RGS22: variants seen among roughly 807,000 people sequenced by gnomAD.
The protein encoded by RGS22 is regulator of G-protein signaling 22.
In RGS22, 148 loss-of-function variants were observed where a neutral mutation model predicts 172.9. That is an observed-to-expected ratio of 0.86 (90% CI 0.75 to 0.98). The LOEUF is 0.98. Ranked by LOEUF, RGS22 falls within the 50% of genes least tolerant of loss-of-function variation. RGS22 has a pLI of 0.00. For synonymous variants in RGS22, 458 were observed against 480.2 expected, an observed-to-expected ratio of 0.95 and a Z score of 0.60; for missense variants, 1,347 against 1,440.8, an observed-to-expected ratio of 0.93 and a Z score of 1.05.
At chr8:100,045,275 A>G in intron 11 of RGS22, among the ~76,000 whole-genome samples, 1 of 152,100 alleles carries the variant, frequency 6.6e-6, no homozygotes, top group East Asian at 1.9e-4. Flanking sequence ...AAAAAAGAAA[A>G]AAAAAAGACT....
chr8:100,013,402 A>G (rs1050127646), intron 14 of RGS22, among the ~76,000 whole-genome samples: 1 of 152,092 alleles, frequency 6.6e-6, no homozygotes, highest in Non-Finnish European at 1.5e-5. Context: ...GTGGATGCCT[A>G]CATCTATTTC....
intron 14 of RGS22, among the ~76,000 whole-genome samples, chr8:100,036,179 G>A (rs1039110606): frequency 2.6e-5 from 4 of 151,440 alleles, no homozygotes; most frequent in Admixed American, 6.6e-5. Flanking sequence ...ACTGTAGAAC[G>A]ATCTACAGTA....
At chr8:99,970,818 C>CA (rs1811258810) in intron 23 of RGS22, among the ~76,000 whole-genome samples, 1 of 152,160 alleles carries the variant, frequency 6.6e-6, no homozygotes. Flanking sequence ...GAGGTGGTAC[C>CA]ATTCCTTCTG....
chr8:99,979,528 T>C (rs2131191764), intron 22 of RGS22, among the ~76,000 whole-genome samples: 1 of 152,300 alleles, frequency 6.6e-6, no homozygotes, highest in East Asian at 1.9e-4. Flanking sequence ...AAATAATGGC[T>C]TTAGTATGAG....
At chr8:100,049,980 C>T (rs539043978) in intron 10 of RGS22, among the ~76,000 whole-genome samples, 109 of 147,176 alleles carry the variant, frequency 7.4e-4, no homozygotes, top group African/African-American at 2.5e-3. Context: ...ACCTGGGAGG[C>T]GGAGGTTGTG....
At chr8:100,060,421 T>TATATATATACAC (rs1245783464) in intron 9 of RGS22, among the ~76,000 whole-genome samples, 22 of 119,512 alleles carry the variant, frequency 1.8e-4, no homozygotes, top group African/African-American at 6.1e-4. Flanking sequence ...TATATATATA[T>TATATATATACAC]ACACACACAC....
chr8:100,050,558 T>C (rs954876925), intron 10 of RGS22, among the ~76,000 whole-genome samples: 1 of 152,182 alleles, frequency 6.6e-6, no homozygotes. Flanking sequence ...AAGCAATCTT[T>C]CCAAGAGGTT....
At chr8:100,029,702 C>CAAAAA (rs369058108) in intron 14 of RGS22, among the ~76,000 whole-genome samples, 8 of 61,984 alleles carry the variant, frequency 1.3e-4, no homozygotes, top group Non-Finnish European at 2.4e-4. Context: ...AACTCCGTCT[C>CAAAAA]AAAAAAAAAA....
At chr8:99,988,811 T>C (rs1163464941) in intron 20 of RGS22, among the ~76,000 whole-genome samples, 1 of 152,114 alleles carries the variant, frequency 6.6e-6, no homozygotes, top group East Asian at 1.9e-4. Flanking sequence ...TGAATAGATG[T>C]CCATCACTAT....
rs770510292 is a variant in RGS22, at chr8:100,000,314, C to G, written c.2791-894G>C. 1.2e-3 allele frequency among the ~76,000 whole-genome samples: 188 copies of G among 152,004 alleles called. 1 individual carries two copies. Among genetic ancestry groups the G allele is most frequent in the Non-Finnish European group, 2.0e-3 (136 of 67,972 alleles). On this transcript the variant is annotated intron_variant, in intron 18 of 27. Coordinates refer to ENST00000360863, the MANE Select transcript of RGS22 (RefSeq NM_015668.5). ...TTTATATAAAAACAAAAAGGAAATC[C>G]TCTTCTTAGTTCTCCTTTAATAATA...
At chr8:100,057,611 C>T (rs1200648330) in intron 9 of RGS22, among the ~76,000 whole-genome samples, 3 of 152,042 alleles carry the variant, frequency 2.0e-5, no homozygotes, top group Non-Finnish European at 4.4e-5. Context: ...ATGGGAGGTC[C>T]CCTGCACAAG....
At position 99,999,403 on chromosome 8, in the gene RGS22, A is replaced by G. The variant is rs1313088294; in HGVS notation, c.2808T>C (p.Gly936=). The change falls in exon 19 of 28, where the codon GGT becomes GGC. Residue 936 remains glycine (G), a synonymous_variant. Coordinates refer to ENST00000360863, the MANE Select transcript of RGS22 (RefSeq NM_015668.5). ...GCTCATGAAGAATCTTCCCCCAGCCACCACTTAAATGCATTACCTAAGAAA... is the reference window on the plus strand; with the variant it reads ...GCTCATGAAGAATCTTCCCCCAGCCGCCACTTAAATGCATTACCTAAGAAA... ...YQQNQVMHLS[G]GWGKILHEQL... is the part of the protein sequence containing the mutation. 6.2e-7 allele frequency: 1 copy of G among 1,613,586 alleles called. No individual in the cohort carries two copies. Among genetic ancestry groups the G allele is most frequent in the Non-Finnish European group, 8.5e-7 (1 of 1,179,832 alleles).
intron 11 of RGS22, among the ~76,000 whole-genome samples, chr8:100,042,297 T>C (rs1427485018): frequency 2.0e-5 from 3 of 152,162 alleles, no homozygotes; most frequent in Non-Finnish European, 4.4e-5. Context: ...TTTAATGTGT[T>C]TTAGAGGGGC....
chr8:100,031,581 G>A (rs1255957477), intron 14 of RGS22, among the ~76,000 whole-genome samples: 1 of 152,024 alleles, frequency 6.6e-6, no homozygotes, highest in Non-Finnish European at 1.5e-5. Context: ...GTGCGTGTGT[G>A]TGTGTGTACT....
chr8:100,023,889 T>C (rs1817883470), intron 14 of RGS22: 1 of 152,480 alleles, frequency 6.6e-6, no homozygotes, highest in Admixed American at 6.5e-5. Flanking sequence ...ATTTTTAGGT[T>C]CCTTGGGTGA....
chr8:100,052,188 C>A (rs372525459), intron 10 of RGS22, among the ~76,000 whole-genome samples: 3 of 38,136 alleles, frequency 7.9e-5, no homozygotes, highest in East Asian at 8.6e-4. Context: ...AATATATAAA[C>A]ATATATAAAT....
chr8:100,105,508 G>T, intron 1 of RGS22, 106 bp from the exon 2 acceptor site: 1 of 875,560 alleles, frequency 1.1e-6, no homozygotes, highest in Non-Finnish European at 1.9e-6. Context: ...ACAGGCAAAC[G>T]TAGCACATTT....
chr8:99,979,270 TC>T (rs986552816), intron 22 of RGS22, among the ~76,000 whole-genome samples: 1 of 152,156 alleles, frequency 6.6e-6, no homozygotes, highest in Non-Finnish European at 1.5e-5. Flanking sequence ...CCTGAGTCAG[TC>T]CCAGTTCTTG....
chr8:100,034,273 G>A (rs558851328), intron 14 of RGS22, among the ~76,000 whole-genome samples: 2 of 152,182 alleles, frequency 1.3e-5, no homozygotes, highest in South Asian at 2.1e-4. Flanking sequence ...AAAGTCTCAG[G>A]ATACAAAATC....
Sources: allele counts gnomAD v4.1 joint callset (sites outside exome capture counted in the v4.1 genomes callset), GRCh38; gene constraint gnomAD v4.1.1; transcripts MANE v1.5; gene names NCBI Gene and HGNC (gene_info 2026-07-23, HGNC 2026-07-21).